The following RBFOX1 variants were observed in gnomAD, a reference collection of about 807,000 sequenced individuals.
RBFOX1 encodes the protein RNA binding fox-1 homolog 1, also known as RNA binding protein fox-1 homolog 1.
A neutral mutation model predicts 57.7 loss-of-function variants in RBFOX1; 8 were observed. The observed-to-expected ratio is 0.14, with a 90% CI of 0.08 to 0.25. The LOEUF (loss-of-function observed/expected upper bound fraction) is 0.25, where lower values mean the gene tolerates loss of function less well. Among genes scored for constraint, RBFOX1 ranks in the 10% least tolerant of loss-of-function variants. The probability of loss-of-function intolerance (pLI) is 1.00; values close to 1 mark genes in which losing one functional copy is unlikely to be tolerated. For synonymous variants in RBFOX1, 326 were observed against 222.4 expected, an observed-to-expected ratio of 1.47 and a Z score of -4.15; for missense variants, 611 against 548.5, an observed-to-expected ratio of 1.11 and a Z score of -1.14.
intron 1 of RBFOX1, among the ~76,000 whole-genome samples, chr16:5,240,270 C>A (rs900447246): frequency 6.6e-6 from 1 of 152,014 alleles, no homozygotes; most frequent in African/African-American, 2.4e-5. Flanking sequence ...GCCTCCGAGA[C>A]GCCAGCTGCC....
chr16:7,087,026 G>T (rs2060098308), intron 4 of RBFOX1, among the ~76,000 whole-genome samples: 1 of 152,184 alleles, frequency 6.6e-6, no homozygotes, highest in Non-Finnish European at 1.5e-5. Context: ...CTCTGAGCCC[G>T]CAATGACACC....
chr16:6,002,207 A>G (rs2060614131), intron 4 of RBFOX1, among the ~76,000 whole-genome samples: 2 of 151,904 alleles, frequency 1.3e-5, no homozygotes, highest in Admixed American at 6.6e-5. Flanking sequence ...AAATTCCTGG[A>G]CTCAAATGAT....
chr16:5,419,062 GACAGACCAGCTT>G (rs1356331588), intron 1 of RBFOX1, among the ~76,000 whole-genome samples: 1 of 152,200 alleles, frequency 6.6e-6, no homozygotes, highest in Non-Finnish European at 1.5e-5. Context: ...CTGGAGCAAT[GACAGACCAGCTT>G]ACCTGAGCCC....
At chr16:6,233,853 C>G (rs1474105912) in intron 1 of RBFOX1, among the ~76,000 whole-genome samples, 1 of 152,156 alleles carries the variant, frequency 6.6e-6, no homozygotes, top group Non-Finnish European at 1.5e-5. Context: ...TTTCCTAAAC[C>G]ATTTTATTAC....
chr16:6,660,538 C>G (rs184180481), intron 3 of RBFOX1, among the ~76,000 whole-genome samples: 17 of 152,286 alleles, frequency 1.1e-4, no homozygotes, highest in Admixed American at 1.1e-3. Context: ...CTGTACATAG[C>G]CTTTGGAGCT....
At chr16:7,572,504 G>T (rs990949840) in intron 5 of RBFOX1, among the ~76,000 whole-genome samples, 1 of 152,126 alleles carries the variant, frequency 6.6e-6, no homozygotes, top group African/African-American at 2.4e-5. Context: ...GGCCAGTGAT[G>T]CTGTTGAACA....
At chr16:6,020,583 C>G (rs1187981256) in intron 1 of RBFOX1, among the ~76,000 whole-genome samples, 3 of 152,234 alleles carry the variant, frequency 2.0e-5, no homozygotes, top group Non-Finnish European at 4.4e-5. Context: ...AGCCGGGAAA[C>G]CTGCGAATGG....
chr16:6,542,313 G>T (rs2096832013), intron 2 of RBFOX1, among the ~76,000 whole-genome samples: 1 of 151,808 alleles, frequency 6.6e-6, no homozygotes, highest in Admixed American at 6.6e-5. Context: ...TCTTTCTTGA[G>T]TAGCACCTCA....
At chr16:6,203,640 G>A (rs539973338) in intron 1 of RBFOX1, among the ~76,000 whole-genome samples, 39 of 152,210 alleles carry the variant, frequency 2.6e-4, no homozygotes, top group South Asian at 1.5e-3. Flanking sequence ...GGAGGTCACC[G>A]CACACTTATT....
intron 3 of RBFOX1, among the ~76,000 whole-genome samples, chr16:7,046,603 C>CTTTTTTTTTTTTT (rs59921108): frequency 4.7e-5 from 4 of 85,014 alleles, no homozygotes; most frequent in Admixed American, 1.5e-4. Flanking sequence ...TGTGTTTTAT[C>CTTTTTTTTTTTTT]TTTTTTTTTT....
chr16:7,014,759 C>T (rs974524282), intron 3 of RBFOX1, among the ~76,000 whole-genome samples: 8 of 152,168 alleles, frequency 5.3e-5, no homozygotes. Context: ...GAGTCTCGCT[C>T]TGTCACCCAG....
At chr16:5,665,722 C>G (rs2049821595) in intron 3 of RBFOX1, among the ~76,000 whole-genome samples, 1 of 152,212 alleles carries the variant, frequency 6.6e-6, no homozygotes, top group African/African-American at 2.4e-5. Context: ...GTGTCCTGAT[C>G]TTAGCACAGA....
chr16:5,304,337 C>G (rs2063878646), intron 1 of RBFOX1, among the ~76,000 whole-genome samples: 1 of 152,168 alleles, frequency 6.6e-6, no homozygotes, highest in Non-Finnish European at 1.5e-5. Flanking sequence ...AAGTGGTAGT[C>G]CTGTAGAAGG....
At chr16:5,416,257 T>A (rs1207986329) in intron 1 of RBFOX1, among the ~76,000 whole-genome samples, 2 of 152,170 alleles carry the variant, frequency 1.3e-5, no homozygotes, top group African/African-American at 4.8e-5. Context: ...TTGTCTACGG[T>A]CACACATTTA....
At chr16:5,540,331 A>G (rs1408534293) in intron 2 of RBFOX1, among the ~76,000 whole-genome samples, 1 of 152,332 alleles carries the variant, frequency 6.6e-6, no homozygotes, top group African/African-American at 2.4e-5. Context: ...AAAAATTGGC[A>G]TAGACAGATT....
At chr16:7,038,279 C>G (rs2045131821) in intron 3 of RBFOX1, among the ~76,000 whole-genome samples, 1 of 152,056 alleles carries the variant, frequency 6.6e-6, no homozygotes, top group Non-Finnish European at 1.5e-5. Context: ...TTTTCTTAGA[C>G]TGAGCAAGGG....
At chr16:6,703,094 G>C (rs8053159) in intron 3 of RBFOX1, among the ~76,000 whole-genome samples, 43,898 of 151,956 alleles carry the variant, frequency 0.29, 8,531 homozygotes, top group African/African-American at 0.54. Flanking sequence ...TATTTCCTTC[G>C]TTTTTAAGGC....
intron 3 of RBFOX1, among the ~76,000 whole-genome samples, chr16:6,819,357 AAC>A (rs970893204): frequency 2.6e-5 from 4 of 152,216 alleles, no homozygotes; most frequent in East Asian, 1.9e-4. Context: ...GTCTACAGTG[AAC>A]ACACACACAC....
intron 3 of RBFOX1, among the ~76,000 whole-genome samples, chr16:5,614,139 G>T (rs2047930806): frequency 1.3e-5 from 2 of 152,144 alleles, no homozygotes; most frequent in South Asian, 4.1e-4. Flanking sequence ...CTCCCTCTAG[G>T]TTGGGAGGTG....
Sources: allele counts gnomAD v4.1 joint callset (sites outside exome capture counted in the v4.1 genomes callset), GRCh38; gene constraint gnomAD v4.1.1; transcripts MANE v1.5; gene names NCBI Gene and HGNC (gene_info 2026-07-23, HGNC 2026-07-21).